The following KLHL29 variants were observed in gnomAD, a reference collection of about 807,000 sequenced individuals.
KLHL29 encodes kelch-like protein 29.
KLHL29 carries 21 observed loss-of-function variants against 80.4 expected under a neutral mutation model. The observed-to-expected ratio is 0.26, with a 90% confidence interval of 0.19 to 0.38. KLHL29 has a LOEUF of 0.38. Among genes scored for constraint, KLHL29 ranks in the 10% least tolerant of loss-of-function variants. The probability of loss-of-function intolerance (pLI) is 1.00; values close to 1 mark genes in which losing one functional copy is unlikely to be tolerated. For missense variants in KLHL29, 867 were observed against 1,223.9 expected (o/e 0.71, Z 4.35); for synonymous variants, 511 against 526.8 (o/e 0.97, Z 0.41).
chr2:23,455,966 GC>G (rs1300471309), intron 1 of KLHL29, among the ~76,000 whole-genome samples: 1 of 152,146 alleles, frequency 6.6e-6, no homozygotes, highest in Admixed American at 6.5e-5. Flanking sequence ...GAATGTGCAT[GC>G]AAAGAGGAAA....
At chr2:23,546,511 C>T (rs1279394670) in intron 2 of KLHL29, among the ~76,000 whole-genome samples, 2 of 152,026 alleles carry the variant, frequency 1.3e-5, no homozygotes, top group African/African-American at 4.8e-5. Context: ...GAAAGGTATC[C>T]GGCACCCCCA....
At chr2:23,631,652 C>T (rs547131679) in intron 3 of KLHL29, among the ~76,000 whole-genome samples, 4 of 152,296 alleles carry the variant, frequency 2.6e-5, no homozygotes, top group Admixed American at 2.6e-4. Flanking sequence ...GATTTAACTG[C>T]GATTATCTTC....
chr2:23,423,077 C>T (rs201511427), intron 1 of KLHL29, among the ~76,000 whole-genome samples: 3 of 151,882 alleles, frequency 2.0e-5, no homozygotes, highest in East Asian at 3.9e-4. Flanking sequence ...GTCATGGAGC[C>T]GTGGCGGGGA....
At chr2:23,574,070 G>T (rs1275676869) in intron 3 of KLHL29, among the ~76,000 whole-genome samples, 3 of 152,168 alleles carry the variant, frequency 2.0e-5, no homozygotes, top group Admixed American at 6.5e-5. Context: ...GGAAGTGGGG[G>T]TGCAGCAGAA....
Position 23,703,835 on chromosome 2 carries a change from A to G in KLHL29, c.2416A>G (p.Asn806Asp). The change falls in exon 13 of 14, where the codon AAC (asparagine) becomes GAC (aspartate). Residue 806 changes from asparagine to aspartate, a missense_variant. By Grantham distance (23) the Asn-to-Asp change is conservative (BLOSUM62 1). Transcript: ENST00000486442. ...GAAAGGAAACATTAAGGCGGGCCCA[A>G]ACATGAACCACTCTCGCCAGTTCTG... ...PEKGNIKAGP[N>D]MNHSRQFCSA... 6.5e-7 allele frequency: 1 copy of G among 1,537,428 alleles called. No homozygotes were observed. Among genetic ancestry groups the G allele is most frequent in the Non-Finnish European group, 8.7e-7 (1 of 1,146,916 alleles).
At chr2:23,671,106 C>G (rs1181368908) in intron 5 of KLHL29, among the ~76,000 whole-genome samples, 2 of 150,840 alleles carry the variant, frequency 1.3e-5, no homozygotes, top group East Asian at 3.9e-4. Flanking sequence ...CTCCTGGCAT[C>G]TGGGGTTTCC....
At chr2:23,436,343 A>C (rs1001743354) in intron 1 of KLHL29, among the ~76,000 whole-genome samples, 7 of 148,446 alleles carry the variant, frequency 4.7e-5, no homozygotes, top group Admixed American at 2.0e-4. Context: ...TCAGCACCAG[A>C]GAAGTTTACC....
intron 5 of KLHL29, among the ~76,000 whole-genome samples, chr2:23,677,582 C>A (rs1345454837): frequency 6.6e-6 from 1 of 152,168 alleles, no homozygotes; most frequent in Non-Finnish European, 1.5e-5. Context: ...CCGCTCTTGG[C>A]CTTCAGGGTT....
rs755108271 is a variant in KLHL29, at chr2:23,680,971, C to T, written c.941-3428C>T. On this transcript the variant is annotated intron_variant, in intron 5 of 13. Coordinates refer to ENST00000486442, the MANE Select transcript of KLHL29 (RefSeq NM_052920.2). The surrounding 1 kb of genome is among the most constrained non-coding windows in gnomAD (Gnocchi z 4.1). ...GTTGTTGGAAGATCTCCCCAGACCC[C>T]GCAGCAATCCCACACACCTCACTTG... Among the ~76,000 whole-genome samples the T allele has an allele frequency of 1.2e-4, 19 of 152,330 alleles. No homozygotes were observed. The highest frequency in any genetic ancestry group is 2.9e-5 in the Non-Finnish European group (2 of 68,026).
At chr2:23,652,073 T>TAGCC (rs1670102293) in intron 5 of KLHL29, among the ~76,000 whole-genome samples, 1 of 152,226 alleles carries the variant, frequency 6.6e-6, no homozygotes. Context: ...ATGGAAAGGG[T>TAGCC]AGCCCCTCAC....
chr2:23,576,088 T>C (rs1277344711), intron 3 of KLHL29, among the ~76,000 whole-genome samples: 1 of 152,114 alleles, frequency 6.6e-6, no homozygotes, highest in African/African-American at 2.4e-5. Context: ...GTGGATCACC[T>C]GAGGTCAGGA....
intron 2 of KLHL29, among the ~76,000 whole-genome samples, chr2:23,534,828 G>T (rs1041157056): frequency 6.6e-6 from 1 of 152,222 alleles, no homozygotes; most frequent in African/African-American, 2.4e-5. Context: ...GCCTTTTCTG[G>T]TCACTTAGAG....
chr2:23,660,696 C>T (rs1670380149), intron 5 of KLHL29, among the ~76,000 whole-genome samples: 1 of 152,212 alleles, frequency 6.6e-6, no homozygotes, highest in African/African-American at 2.4e-5. Context: ...CATGGAAGCT[C>T]CAGGGGTTCC....
At position 23,562,565 on chromosome 2, in the gene KLHL29, T is replaced by C. The variant is rs1572402802; in HGVS notation, c.285+84T>C. On this transcript the variant is annotated intron_variant, in intron 3 of 13. Transcript: ENST00000486442. The surrounding 1 kb of genome is among the most constrained non-coding windows in gnomAD (Gnocchi z 4.5). ...GGCTCAGGCCAGCCCCACAGGCTCC[T>C]GTGGGGCAGCCTGTGCTCCACGCCC... 3.6e-6 allele frequency: 5 copies of C among 1,385,798 alleles called. No individual in the cohort carries two copies. The Admixed American group carries it at 1.2e-4, about 33-fold the overall frequency. The allele number at this position is 1,385,798 out of a possible 1,614,324, so 85.8% of individuals were successfully genotyped here.
chr2:23,537,282 A>G (rs1385786015), intron 2 of KLHL29, among the ~76,000 whole-genome samples: 1 of 152,042 alleles, frequency 6.6e-6, no homozygotes, highest in African/African-American at 2.4e-5. Context: ...CTGTTGCCTC[A>G]GTGGGAGGGG....
chr2:23,597,002 A>G (rs919402667), intron 3 of KLHL29, among the ~76,000 whole-genome samples: 9 of 152,088 alleles, frequency 5.9e-5, no homozygotes, highest in African/African-American at 1.7e-4. Flanking sequence ...GAGAAGCAAA[A>G]TACTTTTCAG....
chr2:23,473,082 CAG>C (rs150144309), intron 1 of KLHL29, among the ~76,000 whole-genome samples: 2,752 of 152,196 alleles, frequency 0.018, 53 homozygotes, highest in African/African-American at 0.042. Context: ...TACAGGAATC[CAG>C]AGAGAGAGCC....
chr2:23,675,751 T>C (rs371635149), intron 5 of KLHL29, among the ~76,000 whole-genome samples: 133 of 152,324 alleles, frequency 8.7e-4, no homozygotes, highest in African/African-American at 3.0e-3. Context: ...CAACTGTAGA[T>C]TGCATACGAA....
intron 2 of KLHL29, among the ~76,000 whole-genome samples, chr2:23,483,961 C>T (rs552209518): frequency 8.5e-5 from 13 of 152,292 alleles, no homozygotes; most frequent in African/African-American, 2.2e-4. Context: ...GCAGCACATA[C>T]GACGTGTCAA....
Sources: gnomAD v4.1 joint callset for allele counts (sites outside exome capture counted in the v4.1 genomes callset) on GRCh38, gnomAD v4.1.1 for gene constraint, Gnocchi (gnomAD v3.1) non-coding constraint, MANE v1.5 for transcripts, NCBI Gene and HGNC (gene_info 2026-07-23, HGNC 2026-07-21) for gene names.